Variants in SNAP91 observed in about 807,000 individuals in gnomAD.
SNAP91 encodes the protein synaptosome associated protein 91.
Under a neutral mutation model 100.3 loss-of-function variants are expected in SNAP91, and 27 were observed. That is an observed-to-expected ratio of 0.27 (90% CI 0.20 to 0.37). The LOEUF is 0.37. Ranked by LOEUF, SNAP91 falls within the 10% of genes least tolerant of loss-of-function variation. The pLI, the probability that SNAP91 is intolerant of heterozygous loss-of-function variation, is 1.00. For synonymous variants in SNAP91, 404 were observed against 398.6 expected, an observed-to-expected ratio of 1.01 and a Z score of -0.16; for missense variants, 986 against 1,123.7, an observed-to-expected ratio of 0.88 and a Z score of 1.75.
chr6:83,575,892 C>A (rs1238951051), intron 25 of SNAP91, 131 bp downstream of exon 25: 1 of 610,556 alleles, frequency 1.6e-6, no homozygotes, highest in Non-Finnish European at 2.9e-6. Context: ...GAAATAAACA[C>A]CAATTGTGAA....
At chr6:83,582,586 G>C (rs1442388517) in intron 22 of SNAP91, among the ~76,000 whole-genome samples, 1 of 152,048 alleles carries the variant, frequency 6.6e-6, no homozygotes, top group African/African-American at 2.4e-5. Flanking sequence ...TAACACACAA[G>C]TATAACCTTA....
At chr6:83,708,002 C>A (rs1300516895) in intron 1 of SNAP91, 45 bp from the exon 2 acceptor site, 2 of 1,465,144 alleles carry the variant, frequency 1.4e-6, no homozygotes, top group Non-Finnish European at 1.8e-6. Context: ...TCCGCAGACC[C>A]TACCCTCCAA....
intron 16 of SNAP91, among the ~76,000 whole-genome samples, chr6:83,600,355 A>C (rs1273722599): frequency 6.6e-6 from 1 of 152,176 alleles, no homozygotes; most frequent in African/African-American, 2.4e-5. Flanking sequence ...AAAGCCTGCC[A>C]AATCTCTCTT....
chr6:83,626,666 T>C (rs761521910), intron 8 of SNAP91, among the ~76,000 whole-genome samples: 10 of 152,068 alleles, frequency 6.6e-5, no homozygotes, highest in Non-Finnish European at 1.5e-4. Context: ...TTGGAAGTTA[T>C]TAGTGCATAG....
rs1801413856 is a variant in SNAP91, at chr6:83,568,794, C to G, written c.2442+6216G>C. ...AGCAAAAGGATTCCCCTTCCCAAAT[C>G]TGCATCCTTCATCTCCTTCTCAATA... is the stretch of plus-strand genomic sequence containing the variant. On this transcript the variant is annotated intron_variant, in intron 26 of 29. Coordinates refer to ENST00000369694, the MANE Select transcript of SNAP91 (RefSeq NM_001242792.2). 1.3e-5 allele frequency among the ~76,000 whole-genome samples: 2 copies of G among 152,194 alleles called. 1 individual carries two copies. The highest frequency in any genetic ancestry group is 4.1e-4 in the South Asian group (2 of 4,828).
At chr6:83,629,839 C>T (rs1415940012) in intron 8 of SNAP91, among the ~76,000 whole-genome samples, 2 of 151,312 alleles carry the variant, frequency 1.3e-5, no homozygotes, top group Non-Finnish European at 3.0e-5. Context: ...ATTTGGATGC[C>T]ATTTCGTACT....
At chr6:83,619,516 C>G (rs2096629793) in intron 9 of SNAP91, among the ~76,000 whole-genome samples, 1 of 152,202 alleles carries the variant, frequency 6.6e-6, no homozygotes, top group African/African-American at 2.4e-5. Flanking sequence ...TCTTTAGTTG[C>G]TTGTTTTTAA....
At chr6:83,691,082 T>C (rs1303162373) in intron 2 of SNAP91, among the ~76,000 whole-genome samples, 11 of 152,070 alleles carry the variant, frequency 7.2e-5, no homozygotes, top group Admixed American at 7.2e-4. Flanking sequence ...AGGAAATACA[T>C]AACAACACAT....
intron 9 of SNAP91, among the ~76,000 whole-genome samples, chr6:83,621,407 G>C (rs1455847543): frequency 1.3e-5 from 2 of 152,126 alleles, no homozygotes; most frequent in Non-Finnish European, 2.9e-5. Flanking sequence ...AGAATAGAGT[G>C]CTAATAGATT....
chr6:83,666,153 A>C (rs900344568), intron 2 of SNAP91, among the ~76,000 whole-genome samples: 9 of 152,118 alleles, frequency 5.9e-5, no homozygotes, highest in Non-Finnish European at 1.2e-4. Context: ...CATGCATTAA[A>C]TTACTATAAT....
chr6:83,707,919 G>A lies in SNAP91; in HGVS notation c.9C>T (p.Gly3=), dbSNP rs17855040. The change falls in exon 2 of 30, where the codon GGC becomes GGT. Residue 3 remains glycine, a synonymous_variant. Coordinates refer to ENST00000369694, the MANE Select transcript of SNAP91 (RefSeq NM_001242792.2). MS[G]QTLTDRIAAA... is the part of the protein sequence containing the mutation. ...CGGCGATCCGATCCGTGAGCGTTTG[G>A]CCCGACATCTTCTGTGGTCGCGTCT... is the stretch of plus-strand genomic sequence containing the variant. 4.5e-4 allele frequency: 712 copies of A among 1,585,186 alleles called. 7 individuals carry two copies. In the East Asian group the frequency reaches 0.016, roughly 36 times the overall value.
At chr6:83,633,845 C>A (rs1361328006) in intron 8 of SNAP91, among the ~76,000 whole-genome samples, 1 of 152,000 alleles carries the variant, frequency 6.6e-6, no homozygotes, top group Non-Finnish European at 1.5e-5. Flanking sequence ...TCTTCCCCTG[C>A]CTGTGGTGTC....
chr6:83,603,115 GCACT>G (rs1487277840), intron 14 of SNAP91, among the ~76,000 whole-genome samples: 1 of 152,114 alleles, frequency 6.6e-6, no homozygotes, highest in African/African-American at 2.4e-5. Flanking sequence ...TGTCACAGGA[GCACT>G]CAATCAATAT....
intron 5 of SNAP91, among the ~76,000 whole-genome samples, chr6:83,661,280 A>T (rs1445633389): frequency 6.6e-6 from 1 of 152,218 alleles, no homozygotes; most frequent in Non-Finnish European, 1.5e-5. Flanking sequence ...TAGCATATAA[A>T]CTGAGAAGCA....
At position 83,652,342 on chromosome 6, in the gene SNAP91, C is replaced by T. The variant is rs75467887; in HGVS notation, c.658+4412G>A. 2.6e-3 allele frequency among the ~76,000 whole-genome samples: 389 copies of T among 152,184 alleles called. 7 individuals are homozygous for T. The East Asian group carries it at 0.026, about 10-fold the overall frequency. On this transcript the variant is annotated intron_variant, in intron 7 of 29. Transcript: ENST00000369694. ...TGAGCACTTTATAAGATTCCATTTT[C>T]TCTCCTTTCTTAGCATATCAATTAC...
At chr6:83,634,989 C>T (rs2097369633) in intron 8 of SNAP91, among the ~76,000 whole-genome samples, 2 of 152,070 alleles carry the variant, frequency 1.3e-5, no homozygotes, top group Admixed American at 1.3e-4. Flanking sequence ...TTTTATTCTA[C>T]TGTGGTCTAA....
chr6:83,571,173 C>T (rs1160243442), intron 26 of SNAP91, among the ~76,000 whole-genome samples: 1 of 151,706 alleles, frequency 6.6e-6, no homozygotes, highest in Non-Finnish European at 1.5e-5. Context: ...GGCACAATCT[C>T]GGCTCACTGC....
chr6:83,689,126 C>T (rs1168929702), intron 2 of SNAP91, among the ~76,000 whole-genome samples: 2 of 152,096 alleles, frequency 1.3e-5, no homozygotes, highest in East Asian at 3.9e-4. Context: ...GCTTAGGAAA[C>T]CTTCTGCTAT....
chr6:83,576,163 C>A, intron 24 of SNAP91, 110 bp from the exon 25 acceptor site: 1 of 550,012 alleles, frequency 1.8e-6, no homozygotes, highest in Non-Finnish European at 3.2e-6. Context: ...CTTATTTTGC[C>A]TAGGAATGAC....
Sources: gnomAD v4.1 joint callset for allele counts (sites outside exome capture counted in the v4.1 genomes callset) on GRCh38, gnomAD v4.1.1 for gene constraint, MANE v1.5 for transcripts, NCBI Gene and HGNC (gene_info 2026-07-23, HGNC 2026-07-21) for gene names.